ALK: variants seen among roughly 807,000 people sequenced by gnomAD.
ALK encodes ALK tyrosine kinase receptor.
In ALK, 74 loss-of-function variants were observed where a neutral mutation model predicts 163.1. That is an observed-to-expected ratio of 0.45 (90% CI 0.38 to 0.55). The LOEUF (loss-of-function observed/expected upper bound fraction) is 0.55, where lower values mean the gene tolerates loss of function less well. Ranked by LOEUF, ALK falls within the 20% of genes least tolerant of loss-of-function variation. The pLI is 0.00. For missense variants in ALK, 2,063 were observed against 2,105.3 expected, an observed-to-expected ratio of 0.98 and a Z score of 0.39; for synonymous variants, 960 against 843.2, an observed-to-expected ratio of 1.14 and a Z score of -2.40.
chr2:29,355,245 T>A (rs1341664749), intron 5 of ALK, among the ~76,000 whole-genome samples: 1 of 152,204 alleles, frequency 6.6e-6, no homozygotes, highest in Non-Finnish European at 1.5e-5. Context: ...ACAACACCCC[T>A]GTGAAGAAGG....
chr2:29,398,979 G>C (rs1669377822), intron 4 of ALK, among the ~76,000 whole-genome samples: 1 of 152,134 alleles, frequency 6.6e-6, no homozygotes, highest in Non-Finnish European at 1.5e-5. Flanking sequence ...CTGCTGCAGG[G>C]GTATCTGAAA....
intron 4 of ALK, among the ~76,000 whole-genome samples, chr2:29,525,415 G>T (rs1381852442): frequency 6.6e-6 from 1 of 152,168 alleles, no homozygotes; most frequent in Admixed American, 6.5e-5. Context: ...AACTTTTGGT[G>T]CACACCCAGA....
chr2:29,564,154 G>A (rs59594079), intron 3 of ALK, among the ~76,000 whole-genome samples: 9 of 151,506 alleles, frequency 5.9e-5, no homozygotes, highest in South Asian at 2.1e-4. Context: ...ACTGGCTGTC[G>A]TGCGGTGAGT....
intron 4 of ALK, among the ~76,000 whole-genome samples, chr2:29,495,850 T>C (rs1288505029): frequency 3.9e-5 from 6 of 152,228 alleles, no homozygotes; most frequent in Admixed American, 3.3e-4. Context: ...TGTAATTAAT[T>C]ATGCTGGCAC....
chr2:29,890,251 T>C (rs1487832376), intron 1 of ALK: 1 of 152,194 alleles, frequency 6.6e-6, no homozygotes, highest in African/African-American at 2.4e-5. Context: ...TAACCCCTTT[T>C]AGTACCATAC....
At chr2:29,410,188 A>C (rs1484705268) in intron 4 of ALK, among the ~76,000 whole-genome samples, 1 of 152,158 alleles carries the variant, frequency 6.6e-6, no homozygotes, top group Non-Finnish European at 1.5e-5. Context: ...ATCACTAAGG[A>C]AAGCTCAAGC....
At chr2:29,411,557 C>T (rs1190941839) in intron 4 of ALK, among the ~76,000 whole-genome samples, 1 of 152,176 alleles carries the variant, frequency 6.6e-6, no homozygotes, top group East Asian at 1.9e-4. Context: ...AGTGATCCTC[C>T]TGCCTCAGTC....
intron 5 of ALK, among the ~76,000 whole-genome samples, chr2:29,336,110 G>C (rs1226661797): frequency 1.3e-5 from 2 of 152,170 alleles, no homozygotes; most frequent in East Asian, 1.9e-4. Flanking sequence ...ATATGGTTGA[G>C]TATCATTTCC....
intron 1 of ALK, among the ~76,000 whole-genome samples, chr2:29,846,548 T>TATAA (rs1448274593): frequency 6.6e-6 from 1 of 152,194 alleles, no homozygotes; most frequent in Non-Finnish European, 1.5e-5. Flanking sequence ...CTCAATGAGT[T>TATAA]CTTGCTTATA....
intron 4 of ALK, among the ~76,000 whole-genome samples, chr2:29,523,665 C>A (rs1228741602): frequency 6.6e-6 from 1 of 152,090 alleles, no homozygotes; most frequent in South Asian, 2.1e-4. Context: ...ATATATTTAT[C>A]ATTATGGGAT....
At chr2:29,631,613 T>C (rs1356577757) in intron 3 of ALK, among the ~76,000 whole-genome samples, 1 of 152,226 alleles carries the variant, frequency 6.6e-6, no homozygotes, top group Admixed American at 6.5e-5. Flanking sequence ...GCTTGAAATC[T>C]CTAAAACTGA....
intron 1 of ALK, among the ~76,000 whole-genome samples, chr2:29,901,255 A>G (rs1240274056): frequency 6.6e-6 from 1 of 152,174 alleles, no homozygotes; most frequent in Non-Finnish European, 1.5e-5. Flanking sequence ...AGTGCCTGGC[A>G]TGTAATAGAT....
Position 29,920,820 on chromosome 2 carries a change from A to C in ALK, c.-161T>G, listed in dbSNP as rs886055934. ...CGCGCAAGTCTCTTGCTTTCCCCCA[A>C]CTGCACGGAGGCGAGCAGGAGTCTA... On this transcript the variant is annotated 5_prime_UTR_variant, in exon 1 of 29. Coordinates refer to ENST00000389048, the MANE Select transcript of ALK (RefSeq NM_004304.5). The C allele has an allele frequency of 7.6e-6, 5 of 659,334 alleles. No individual in the cohort carries two copies. The highest frequency in any genetic ancestry group is 1.3e-5 in the Non-Finnish European group (5 of 389,370). 40.8% of individuals were successfully genotyped at this position (659,334 alleles called of 1,614,324 possible).
At chr2:29,879,711 G>C (rs536586966) in intron 1 of ALK, among the ~76,000 whole-genome samples, 2 of 152,192 alleles carry the variant, frequency 1.3e-5, no homozygotes, top group Non-Finnish European at 2.9e-5. Flanking sequence ...AAGAAACAAA[G>C]AGGACGTGCC....
intron 4 of ALK, among the ~76,000 whole-genome samples, chr2:29,464,250 C>T (rs72792498): frequency 0.07 from 10,712 of 152,070 alleles, 529 homozygotes; most frequent in Non-Finnish European, 0.11. Context: ...GAAGTCAAAG[C>T]GATAATAGAA....
At chr2:29,565,736 C>T (rs1165025880) in intron 3 of ALK, among the ~76,000 whole-genome samples, 1 of 152,192 alleles carries the variant, frequency 6.6e-6, no homozygotes, top group Non-Finnish European at 1.5e-5. Flanking sequence ...GCACACTGCA[C>T]AGCAGCCATC....
At chr2:29,302,524 G>GA (rs899920865) in intron 8 of ALK, among the ~76,000 whole-genome samples, 6 of 150,734 alleles carry the variant, frequency 4.0e-5, no homozygotes, top group Admixed American at 2.0e-4. Context: ...GTCTCAAAGA[G>GA]AAAAAAAAAG....
chr2:29,228,418 C>A (rs573159345), intron 16 of ALK, among the ~76,000 whole-genome samples: 2 of 152,308 alleles, frequency 1.3e-5, no homozygotes, highest in South Asian at 4.1e-4. Flanking sequence ...GCTAAGCCTG[C>A]CTGCAGTTGC....
chr2:29,229,273 G>A (rs1212470660), intron 15 of ALK, among the ~76,000 whole-genome samples: 1 of 152,170 alleles, frequency 6.6e-6, no homozygotes, highest in Non-Finnish European at 1.5e-5. Context: ...TTTGGCCACA[G>A]CTGAGTACAC....
Sources: allele counts gnomAD v4.1 joint callset (sites outside exome capture counted in the v4.1 genomes callset), GRCh38; gene constraint gnomAD v4.1.1; transcripts MANE v1.5; gene names NCBI Gene and HGNC (gene_info 2026-07-23, HGNC 2026-07-21).